Variants in ZNF500 observed in about 807,000 individuals in gnomAD.
ZNF500 encodes the protein zinc finger protein 500.
ZNF500 carries 31 observed loss-of-function variants against 30.1 expected under a neutral mutation model. That is an observed-to-expected ratio of 1.03 (90% confidence interval 0.77 to 1.39). ZNF500 has a LOEUF of 1.39. Among genes scored for constraint, ZNF500 ranks in the 40% most tolerant of loss-of-function variants. ZNF500 has a pLI of 0.00. For missense variants in ZNF500, 817 were observed against 657.8 expected (o/e 1.24, Z -2.65); for synonymous variants, 392 against 282.0 (o/e 1.39, Z -3.91).
downstream of ZNF500, chr16:4,746,792 C>A: frequency 2.3e-6 from 2 of 851,540 alleles, no homozygotes; most frequent in South Asian, 1.8e-5. Flanking sequence ...CCTGGCAGGA[C>A]GTCCACCGGC....
Position 4,751,614 on chromosome 16 carries a change from G to A in ZNF500, c.*762C>T, listed in dbSNP as rs1000850672. ...TACAGCAGGGCTCCCTGCAGCAGACGAGGGGTCCCTCAAATTCATGTGCAC... is the reference window on the plus strand; with the variant it reads ...TACAGCAGGGCTCCCTGCAGCAGACAAGGGGTCCCTCAAATTCATGTGCAC... On this transcript the variant is annotated 3_prime_UTR_variant, in exon 6 of 6. Coordinates refer to ENST00000219478, the MANE Select transcript of ZNF500 (RefSeq NM_021646.4). 1.6e-5 allele frequency: 24 copies of A among 1,535,204 alleles called. No individual in the cohort carries two copies. The highest frequency in any genetic ancestry group is 8.2e-5 in the African/African-American group (6 of 73,030).
intron 5 of ZNF500, among the ~76,000 whole-genome samples, chr16:4,753,504 T>G (rs992709668): frequency 6.6e-6 from 1 of 152,138 alleles, no homozygotes; most frequent in African/African-American, 2.4e-5. Context: ...GGAACGCACT[T>G]GACCATCACA....
downstream of ZNF500, chr16:4,746,966 G>A (rs752125764): frequency 1.9e-5 from 29 of 1,548,748 alleles, no homozygotes; most frequent in African/African-American, 2.8e-5. Flanking sequence ...AGGAGGAGGA[G>A]GAAGAGATGG....
chr16:4,756,099 T>A (rs915767320), intron 5 of ZNF500, among the ~76,000 whole-genome samples: 1 of 152,160 alleles, frequency 6.6e-6, no homozygotes, highest in Non-Finnish European at 1.5e-5. Context: ...TTTAGCATGA[T>A]AAAGAATGTT....
At chr16:4,760,717 G>A in intron 4 of ZNF500, 129 bp from the exon 5 acceptor site, 1 of 742,432 alleles carries the variant, frequency 1.3e-6, no homozygotes, top group Non-Finnish European at 2.2e-6. Flanking sequence ...GGTGCAGCTG[G>A]TCTTCTCCAC....
downstream of ZNF500, among the ~76,000 whole-genome samples, chr16:4,745,412 G>A (rs1490036490): frequency 6.6e-6 from 1 of 152,192 alleles, no homozygotes; most frequent in Non-Finnish European, 1.5e-5. Context: ...CAATCTCTGT[G>A]TCTCTGTGTA....
At chr16:4,766,531 G>A (rs8061809) in intron 1 of ZNF500, among the ~76,000 whole-genome samples, 14,432 of 152,210 alleles carry the variant, frequency 0.095, 963 homozygotes, top group East Asian at 0.29. Flanking sequence ...TGAGACAGGA[G>A]AATCGCTTGA....
chr16:4,751,602 C>T lies in ZNF500; in HGVS notation c.*774G>A, dbSNP rs1222006072. 6.5e-7 allele frequency: 1 copy of T among 1,535,228 alleles called. No individual in the cohort carries two copies. Among genetic ancestry groups the T allele is most frequent in the Non-Finnish European group, 8.7e-7 (1 of 1,146,720 alleles). On this transcript the variant is annotated 3_prime_UTR_variant, in exon 6 of 6. Transcript: ENST00000219478. ...GGAAGGCTGGGGTACAGCAGGGCTC[C>T]CTGCAGCAGACGAGGGGTCCCTCAA...
chr16:4,761,282 C>CA (rs1004546616), intron 4 of ZNF500, among the ~76,000 whole-genome samples: 2 of 151,276 alleles, frequency 1.3e-5, no homozygotes, highest in Admixed American at 6.6e-5. Flanking sequence ...ACTAAAAATA[C>CA]AAAAAAAATT....
At chr16:4,747,059 T>C (rs753776367), downstream of ZNF500, 2 of 1,492,824 alleles carry the variant, frequency 1.3e-6, no homozygotes, top group South Asian at 2.6e-5. Context: ...CACCTGCAGA[T>C]GTCCCACCTC....
rs2082050229 is a variant in ZNF500 at position 4,748,791 on chromosome 16, C to G, written c.*3585G>C. On this transcript the variant is annotated 3_prime_UTR_variant, in exon 6 of 6. Coordinates refer to ENST00000219478, the MANE Select transcript of ZNF500 (RefSeq NM_021646.4). ...CATCACCACCTTGGGCCCCACGGTG[C>G]CACGGGCTCAGGCAGCACAGTAGGG... 2 of 152,436 alleles carry G rather than the reference C, an allele frequency of 1.3e-5. No individual in the cohort carries two copies. The highest frequency in any genetic ancestry group is 2.1e-4 in the South Asian group (1 of 4,828). 9.4% of individuals were successfully genotyped at this position (152,436 alleles called of 1,614,324 possible).
At chr16:4,764,658 T>G (rs1207134293) in intron 2 of ZNF500, among the ~76,000 whole-genome samples, 2 of 151,644 alleles carry the variant, frequency 1.3e-5, no homozygotes, top group African/African-American at 4.9e-5. Context: ...GGTGGGCGCC[T>G]GTAGTCCCAG....
downstream of ZNF500, chr16:4,746,207 G>A (rs531380625): frequency 1.4e-5 from 9 of 662,656 alleles, no homozygotes; most frequent in South Asian, 4.9e-5. Flanking sequence ...CCTAAATCTC[G>A]CATGCTGTTC....
chr16:4,766,060 G>C lies in ZNF500; in HGVS notation c.-82C>G, dbSNP rs544020333. On this transcript the variant is annotated 5_prime_UTR_variant, in exon 2 of 6. Transcript: ENST00000219478. ...ATACCTCTGGCCAGACACAGGAAGA[G>C]AGTTTTTTTCAGGGCCCTGTGGAGA... is the stretch of plus-strand genomic sequence containing the variant. 29 of 1,472,982 alleles carry C rather than the reference G, an allele frequency of 2.0e-5. No homozygotes were observed. The highest frequency in any genetic ancestry group is 2.5e-5 in the Non-Finnish European group (28 of 1,114,028). 91.2% of individuals were successfully genotyped at this position (1,472,982 alleles called of 1,614,324 possible).
intron 5 of ZNF500, among the ~76,000 whole-genome samples, chr16:4,755,102 A>G (rs949632649): frequency 6.6e-6 from 1 of 152,184 alleles, no homozygotes; most frequent in Non-Finnish European, 1.5e-5. Context: ...TGCTTTCTGT[A>G]CAGCCAATTA....
At chr16:4,760,222 G>C (rs184078524) in intron 5 of ZNF500, among the ~76,000 whole-genome samples, 43 of 152,272 alleles carry the variant, frequency 2.8e-4, no homozygotes, top group Admixed American at 1.5e-3. Flanking sequence ...CTTGAGAGGA[G>C]GGCACAGGGA....
intron 5 of ZNF500, among the ~76,000 whole-genome samples, chr16:4,755,330 T>C (rs553815908): frequency 2.0e-5 from 3 of 152,226 alleles, no homozygotes; most frequent in Non-Finnish European, 4.4e-5. Context: ...TATTTATTTA[T>C]TTTTGAGATG....
chr16:4,747,190 G>T (rs377477945), downstream of ZNF500: 2 of 1,218,018 alleles, frequency 1.6e-6, no homozygotes, highest in Non-Finnish European at 2.3e-6. Context: ...CGTCCACTGG[G>T]TCCCAGCAGT....
At chr16:4,762,796 G>A (rs369217269) in intron 2 of ZNF500, 40 bp from the exon 3 acceptor site, 2 of 1,540,266 alleles carry the variant, frequency 1.3e-6, no homozygotes, top group African/African-American at 1.4e-5. Context: ...CTCCCAGAAG[G>A]CCAGAAGGAA....
Sources: gnomAD v4.1 joint callset for allele counts (sites outside exome capture counted in the v4.1 genomes callset) on GRCh38, gnomAD v4.1.1 for gene constraint, MANE v1.5 for transcripts, NCBI Gene and HGNC (gene_info 2026-07-23, HGNC 2026-07-21) for gene names.